Variants in ADAMTSL2 observed in about 807,000 individuals in gnomAD.
The protein encoded by ADAMTSL2 is ADAMTS-like protein 2.
ADAMTSL2 carries 55 observed loss-of-function variants against 117.0 expected under a neutral mutation model. That is an observed-to-expected ratio of 0.47 (90% CI 0.38 to 0.59). The LOEUF (loss-of-function observed/expected upper bound fraction) is 0.59, where lower values mean the gene tolerates loss of function less well. ADAMTSL2 is among the 20% of genes least tolerant of loss of function. The pLI is 0.00. For synonymous variants in ADAMTSL2, 572 were observed against 566.4 expected (o/e 1.01, Z -0.14); for missense variants, 1,182 against 1,354.5 (o/e 0.87, Z 2.00).
chr9:133,566,573 C>A (rs1452853302), intron 12 of ADAMTSL2, among the ~76,000 whole-genome samples: 1 of 152,214 alleles, frequency 6.6e-6, no homozygotes, highest in Non-Finnish European at 1.5e-5. Context: ...CTCCCGCCTG[C>A]CTGTCCACCC....
At chr9:133,532,878 A>G (rs1239455112), upstream of ADAMTSL2, among the ~76,000 whole-genome samples, 1 of 152,146 alleles carries the variant, frequency 6.6e-6, no homozygotes, top group African/African-American at 2.4e-5. Context: ...GGCTGGCCCC[A>G]CAGACCCGTC....
Position 133,554,481 on chromosome 9 carries a change from T to A in ADAMTSL2, c.1064T>A (p.Leu355Gln). 2 of 1,552,352 alleles carry A rather than the reference T, an allele frequency of 1.3e-6. No homozygotes were observed. The highest frequency in any genetic ancestry group is 1.7e-6 in the Non-Finnish European group (2 of 1,148,250). ...TCCGAGAGCGCTGAGAGCCAGGGCC[T>A]GGACGGGGCCGGGCTGATGGGCTTC... ...GFSESAESQG[L>Q]DGAGLMGFVP... The change falls in exon 10 of 19, where the codon CTG becomes CAG. Residue 355 changes from leucine to glutamine, a missense_variant. Leu to Gln is a moderately radical substitution (Grantham distance 113). Transcript: ENST00000651351. This position sits in a 1 kb window ranked among gnomAD's most constrained non-coding sequence, Gnocchi z 5.2.
Position 133,540,563 on chromosome 9 carries a change from C to T in ADAMTSL2, c.413-35C>T, listed in dbSNP as rs189481874. ...CCTCTGAATCCGGCATTTCCTGCCC[C>T]GCTGAAACCTTCTGTCTTTGTCTCC... is the stretch of plus-strand genomic sequence containing the variant. On this transcript the variant is annotated intron_variant, in intron 5 of 18. Coordinates refer to ENST00000651351, the MANE Select transcript of ADAMTSL2 (RefSeq NM_014694.4). 197 of 1,611,294 alleles carry T rather than the reference C, an allele frequency of 1.2e-4. 1 individual carries two copies. In the African/African-American group the frequency reaches 2.0e-3, roughly 16 times the overall value.
intron 12 of ADAMTSL2, among the ~76,000 whole-genome samples, chr9:133,562,469 G>A (rs1269120266): frequency 1.4e-5 from 2 of 147,502 alleles, no homozygotes. Context: ...CGCCGTGGGC[G>A]GCGTGGCGGG....
chr9:133,534,556 C>T (rs1038372034), upstream of ADAMTSL2: 8 of 947,258 alleles, frequency 8.4e-6, no homozygotes, highest in East Asian at 6.6e-5. Flanking sequence ...GCAGCTGGGC[C>T]GGCCTGGCCG....
intron 17 of ADAMTSL2, among the ~76,000 whole-genome samples, chr9:133,572,103 G>A (rs1831119000): frequency 6.6e-6 from 1 of 152,148 alleles, no homozygotes; most frequent in Non-Finnish European, 1.5e-5. Flanking sequence ...TGGGGTCCAG[G>A]CCCCGGGCCC....
chr9:133,573,960 C>T lies in ADAMTSL2; in HGVS notation c.2710C>T (p.Leu904=). The T allele has an allele frequency of 6.2e-7, 1 of 1,613,818 alleles. No individual in the cohort carries two copies. Among genetic ancestry groups the T allele is most frequent in the South Asian group, 1.1e-5 (1 of 91,034 alleles). ...VKPVGRQACD[L]QPCPTEPPDD... is the part of the protein sequence containing the mutation. ...GCCCGTTGGCAGACAGGCCTGTGAT[C>T]TGCAGCCCTGCCCCACGGAGCCCCC... Residue 904 remains leucine, a synonymous_variant, in exon 18 of 19, where the codon CTG becomes TTG. Coordinates refer to ENST00000651351, the MANE Select transcript of ADAMTSL2 (RefSeq NM_014694.4).
At chr9:133,534,620 CG>C (rs977307068), upstream of ADAMTSL2, 190 of 1,273,692 alleles carry the variant, frequency 1.5e-4, no homozygotes, top group Non-Finnish European at 1.8e-4. Context: ...CCGGCGCGGG[CG>C]GGGGAGCGGC....
intron 12 of ADAMTSL2, among the ~76,000 whole-genome samples, chr9:133,562,724 G>T (rs1830767037): frequency 7.2e-6 from 1 of 138,094 alleles, no homozygotes. Context: ...GGCCAGGCTC[G>T]CACCGCCGTG....
chr9:133,563,988 GGA>G (rs1169100668), intron 12 of ADAMTSL2, among the ~76,000 whole-genome samples: 1 of 5,280 alleles, frequency 1.9e-4, no homozygotes, highest in Non-Finnish European at 3.8e-4. Flanking sequence ...AGAGAGAGAG[GGA>G]GAGAGAGAGA....
Position 133,545,197 on chromosome 9 carries a change from A to G in ADAMTSL2, c.763+647A>G, listed in dbSNP as rs146371378. On this transcript the variant is annotated intron_variant, in intron 8 of 18. Transcript: ENST00000651351. ...TGGCCGAGCAGCGTGCCATGTCTGC[A>G]CCCCTTGGGCCACAGTGGGCAGGTG... 4.6e-5 allele frequency among the ~76,000 whole-genome samples: 7 copies of G among 152,102 alleles called. No individual in the cohort carries two copies. In the East Asian group the frequency reaches 1.4e-3, roughly 30 times the overall value.
intron 9 of ADAMTSL2, among the ~76,000 whole-genome samples, chr9:133,547,535 G>C (rs1830380703): frequency 6.6e-6 from 1 of 152,208 alleles, no homozygotes. Context: ...CCCACTTCTT[G>C]AAATCATTCA....
At chr9:133,535,474 G>T (rs1830030198) in intron 1 of ADAMTSL2, among the ~76,000 whole-genome samples, 1 of 152,154 alleles carries the variant, frequency 6.6e-6, no homozygotes, top group Non-Finnish European at 1.5e-5. Context: ...CCTTGGAGTG[G>T]CCCCTGAAAA....
At chr9:133,553,986 C>A (rs1011921037) in intron 9 of ADAMTSL2, among the ~76,000 whole-genome samples, 15 of 152,234 alleles carry the variant, frequency 9.9e-5, no homozygotes, top group Non-Finnish European at 2.2e-4. Flanking sequence ...GAATTTCTGG[C>A]ACATGGTGAG....
intron 1 of ADAMTSL2, among the ~76,000 whole-genome samples, chr9:133,535,567 T>G (rs1830032100): frequency 6.6e-6 from 1 of 152,098 alleles, no homozygotes; most frequent in South Asian, 2.1e-4. Flanking sequence ...CGAGTTGGCC[T>G]CTGGCCTGGC....
Position 133,561,309 on chromosome 9 carries a change from G to A in ADAMTSL2, c.1747+14G>A. On this transcript the variant is annotated intron_variant, in intron 12 of 18. Transcript: ENST00000651351. ...CCTGCACCACAGGTACTGGTCACGG[G>A]TGCCAAGGGGCAGCAACTGCCCTGA... The A allele has an allele frequency of 3.8e-6, 6 of 1,576,320 alleles. No individual in the cohort carries two copies. The highest frequency in any genetic ancestry group is 1.3e-5 in the African/African-American group (1 of 74,624).
intron 18 of ADAMTSL2, among the ~76,000 whole-genome samples, chr9:133,574,534 A>T (rs985927690): frequency 9.9e-5 from 15 of 152,092 alleles, no homozygotes; most frequent in East Asian, 5.8e-4. Context: ...TCCTCTTGGG[A>T]CACAGATCAA....
At chr9:133,574,570 G>A (rs1831183927) in intron 18 of ADAMTSL2, among the ~76,000 whole-genome samples, 176 bp from the exon 19 acceptor site, 1 of 152,170 alleles carries the variant, frequency 6.6e-6, no homozygotes, top group Non-Finnish European at 1.5e-5. Context: ...CTGGGACAGC[G>A]ACATCTTGGG....
intron 11 of ADAMTSL2, among the ~76,000 whole-genome samples, chr9:133,559,843 C>T (rs1830687772): frequency 6.6e-6 from 1 of 152,162 alleles, no homozygotes; most frequent in Non-Finnish European, 1.5e-5. Flanking sequence ...CATGCCTTCT[C>T]CCTTCACTCC....
Sources: allele counts gnomAD v4.1 joint callset (sites outside exome capture counted in the v4.1 genomes callset), GRCh38; gene constraint gnomAD v4.1.1; non-coding constraint Gnocchi (gnomAD v3.1); transcripts MANE v1.5; gene names NCBI Gene and HGNC (gene_info 2026-07-23, HGNC 2026-07-21).